Variants in CUEDC1 observed in about 807,000 individuals in gnomAD.
CUEDC1 encodes the protein CUE domain-containing protein 1.
In CUEDC1, 30 loss-of-function variants were observed where a neutral mutation model predicts 43.7. The observed-to-expected ratio is 0.69, with a 90% CI of 0.51 to 0.93. The LOEUF (loss-of-function observed/expected upper bound fraction) is 0.93, where lower values mean the gene tolerates loss of function less well. Ranked by LOEUF, CUEDC1 falls within the 40% of genes least tolerant of loss-of-function variation. The probability of loss-of-function intolerance (pLI) is 0.00; values close to 1 mark genes in which losing one functional copy is unlikely to be tolerated. For synonymous variants in CUEDC1, 223 were observed against 223.6 expected (o/e 1.00, Z 0.02); for missense variants, 486 against 549.0 (o/e 0.89, Z 1.15).
Position 57,864,931 on chromosome 17 carries a change from C to T in CUEDC1, c.*3+1543G>A, listed in dbSNP as rs533306283. Among the ~76,000 whole-genome samples, 32 of 152,276 alleles carry T rather than the reference C, an allele frequency of 2.1e-4. No individual in the cohort carries two copies. The South Asian group carries it at 6.6e-3, about 32-fold the overall frequency. On this transcript the variant is annotated intron_variant, in intron 10 of 10. Transcript: ENST00000577830. ...AATTAGCCAGGCAAGATAGTGGGTG[C>T]CTATAATCCCAGCTACTCGGGAGGC... is the stretch of plus-strand genomic sequence containing the variant.
At chr17:57,934,578 A>C (rs1441463356) in intron 1 of CUEDC1, among the ~76,000 whole-genome samples, 1 of 151,326 alleles carries the variant, frequency 6.6e-6, no homozygotes, top group Non-Finnish European at 1.5e-5. Flanking sequence ...AAAAAAAAAA[A>C]AAAAAAAAGG....
chr17:57,927,608 G>T (rs1183964211), intron 1 of CUEDC1, among the ~76,000 whole-genome samples: 1 of 152,156 alleles, frequency 6.6e-6, no homozygotes, highest in Non-Finnish European at 1.5e-5. Context: ...GCTTCTAGGA[G>T]CCCTGCTCCA....
At chr17:57,884,533 A>G (rs2074261133) in intron 2 of CUEDC1, among the ~76,000 whole-genome samples, 1 of 151,936 alleles carries the variant, frequency 6.6e-6, no homozygotes, top group East Asian at 1.9e-4. Context: ...GGGCTTTGTC[A>G]ACCTCATTGA....
At chr17:57,868,420 C>A (rs2073990910) in intron 7 of CUEDC1, 177 bp from the exon 8 acceptor site, 2 of 622,240 alleles carry the variant, frequency 3.2e-6, no homozygotes, top group South Asian at 1.8e-5. Context: ...CCTGAGGACG[C>A]CACCCCAGGA....
chr17:57,928,730 A>G (rs538440548), intron 1 of CUEDC1, among the ~76,000 whole-genome samples: 1 of 146,908 alleles, frequency 6.8e-6, no homozygotes, highest in East Asian at 2.0e-4. Flanking sequence ...ATATACTGGC[A>G]TTCGAGAATT....
chr17:57,895,980 C>A (rs2074403868), intron 1 of CUEDC1, among the ~76,000 whole-genome samples: 1 of 152,230 alleles, frequency 6.6e-6, no homozygotes, highest in Non-Finnish European at 1.5e-5. Context: ...GTCTGGACAG[C>A]AGCAGGAGAC....
intron 1 of CUEDC1, among the ~76,000 whole-genome samples, chr17:57,932,848 G>A (rs2074821854): frequency 6.6e-6 from 1 of 151,512 alleles, no homozygotes; most frequent in Non-Finnish European, 1.5e-5. Flanking sequence ...GGCAACAAGA[G>A]CAAAACTCTG....
At chr17:57,874,118 T>C (rs921156801) in intron 3 of CUEDC1, among the ~76,000 whole-genome samples, 5 of 152,156 alleles carry the variant, frequency 3.3e-5, no homozygotes, top group Non-Finnish European at 7.3e-5. Flanking sequence ...ACAGGTATGG[T>C]CCAAAGGAAC....
intron 1 of CUEDC1, among the ~76,000 whole-genome samples, chr17:57,932,302 A>AAAAAAAAAAAAAAAAAAAAAAC (rs2074813548): frequency 8.3e-6 from 1 of 120,818 alleles, no homozygotes; most frequent in African/African-American, 2.9e-5. Context: ...AAAAAAAAAA[A>AAAAAAAAAAAAAAAAAAAAAAC]AGGCCAGGCA....
At chr17:57,912,769 C>T (rs532235498) in intron 1 of CUEDC1, among the ~76,000 whole-genome samples, 5 of 152,320 alleles carry the variant, frequency 3.3e-5, no homozygotes, top group South Asian at 2.1e-4. Flanking sequence ...AAATTCTAAA[C>T]GTATACAGGC....
At chr17:57,864,703 G>T (rs1207828007) in intron 10 of CUEDC1, among the ~76,000 whole-genome samples, 2 of 152,062 alleles carry the variant, frequency 1.3e-5, no homozygotes, top group East Asian at 3.9e-4. Flanking sequence ...AGGAGGAGGA[G>T]GATGTCAACT....
At chr17:57,874,058 C>T (rs188125072) in intron 3 of CUEDC1, among the ~76,000 whole-genome samples, 1 of 152,360 alleles carries the variant, frequency 6.6e-6, no homozygotes, top group East Asian at 1.9e-4. Context: ...CGCATCCTTT[C>T]ATGCTTCTAT....
At chr17:57,872,942 C>T (rs2144928938) in intron 4 of CUEDC1, 87 bp from the exon 5 acceptor site, 1 of 1,254,686 alleles carries the variant, frequency 8.0e-7, no homozygotes, top group East Asian at 2.4e-5. Flanking sequence ...GCACACATGC[C>T]CTGTCCAACA....
rs758174743 is a variant in CUEDC1, at chr17:57,868,166, A to G, written c.1018T>C (p.Leu340=). 3.7e-6 allele frequency: 6 copies of G among 1,613,898 alleles called. No homozygotes were observed. The highest frequency in any genetic ancestry group is 1.1e-5 in the South Asian group (1 of 91,090). ...AAAGGATACGACTGATGCTTCAACA[A>G]GTGTTTCCTCTTTGACTTCCTCATT... is the stretch of plus-strand genomic sequence containing the variant. The part of the protein sequence containing the change: ...TKMRKSKRKH[L]LKHQSLGAAA... The change falls in exon 8 of 11, where the codon TTG becomes CTG. Residue 340 remains leucine (L), a synonymous_variant. Coordinates refer to ENST00000577830, the MANE Select transcript of CUEDC1 (RefSeq NM_001271875.2).
At position 57,861,853 on chromosome 17, in the gene CUEDC1, G is replaced by C. The variant is rs2073880395; in HGVS notation, c.*1436C>G. ...CAGGCCTGGCGCGGGGAGCAGCGGA[G>C]GGGGCGACCGCTCCTCGGCAGGGCC... On this transcript the variant is annotated 3_prime_UTR_variant, in exon 11 of 11. Transcript: ENST00000577830. 1 of 151,614 alleles carries C rather than the reference G, an allele frequency of 6.6e-6. No individual in the cohort carries two copies. The highest frequency in any genetic ancestry group is 1.5e-5 in the Non-Finnish European group (1 of 67,866). 9.4% of individuals were successfully genotyped at this position (151,614 alleles called of 1,614,324 possible).
chr17:57,945,987 A>G (rs769215475), intron 1 of CUEDC1, among the ~76,000 whole-genome samples: 8 of 151,808 alleles, frequency 5.3e-5, no homozygotes, highest in Non-Finnish European at 1.2e-4. Context: ...GCAAGACTCC[A>G]CCTCAAAAAT....
chr17:57,923,286 C>T (rs1265129656), intron 1 of CUEDC1, among the ~76,000 whole-genome samples: 1 of 152,220 alleles, frequency 6.6e-6, no homozygotes, highest in African/African-American at 2.4e-5. Context: ...TGGAAGCAGA[C>T]AGTCAACTAT....
At chr17:57,949,598 G>A (rs375856908) in intron 1 of CUEDC1, among the ~76,000 whole-genome samples, 8 of 137,972 alleles carry the variant, frequency 5.8e-5, no homozygotes, top group African/African-American at 2.0e-4. Context: ...TTTGAGGTAG[G>A]GTCTTGCTCT....
intron 1 of CUEDC1, among the ~76,000 whole-genome samples, chr17:57,893,349 A>ACGTGTGTGTGTGTGTGTGTGTGTGTG (rs2074375062): frequency 1.3e-5 from 2 of 148,262 alleles, no homozygotes; most frequent in Non-Finnish European, 3.0e-5. Context: ...CTCTCAGGGT[A>ACGTGTGTGTGTGTGTGTGTGTGTGTG]TGTGTGTGTG....
Sources: gnomAD v4.1 joint callset for allele counts (sites outside exome capture counted in the v4.1 genomes callset) on GRCh38, gnomAD v4.1.1 for gene constraint, MANE v1.5 for transcripts, NCBI Gene and HGNC (gene_info 2026-07-23, HGNC 2026-07-21) for gene names.